SYTL2: variants seen among roughly 807,000 people sequenced by gnomAD.
SYTL2 encodes the protein synaptotagmin like 2, also known as synaptotagmin-like protein 2.
Under a neutral mutation model 198.7 loss-of-function variants are expected in SYTL2, and 165 were observed. That is an observed-to-expected ratio of 0.83 (90% CI 0.73 to 0.94). The LOEUF is 0.94. Ranked by LOEUF, SYTL2 falls within the 40% of genes least tolerant of loss-of-function variation. SYTL2 has a pLI of 0.00. For missense variants in SYTL2, 2,835 were observed against 2,582.8 expected (o/e 1.10, Z -2.12); for synonymous variants, 966 against 917.7 (o/e 1.05, Z -0.95).
chr11:85,739,359 G>A, intron 4 of SYTL2, among the ~76,000 whole-genome samples: 1 of 149,436 alleles, frequency 6.7e-6, no homozygotes, highest in Non-Finnish European at 1.5e-5. Flanking sequence ...GAAAGAAAAA[G>A]AGAGGAAGAA....
At chr11:85,839,590 T>C in the SYTL2 span, among the ~76,000 whole-genome samples, 1 of 152,216 alleles carries the variant, frequency 6.6e-6, no homozygotes, top group Non-Finnish European at 1.5e-5. Flanking sequence ...GATATTCAGT[T>C]TCATCCATGT....
At position 85,795,420 on chromosome 11, in the gene SYTL2, G is replaced by A. The variant is rs141733108; in HGVS notation, c.-390+15534C>T. On this transcript the variant is annotated intron_variant, in intron 1 of 19. Transcript: ENST00000359152. ...GCAGCAGAAAAGGCCAGATACTTACGCCCAGTAGCCTGAGTTGCACTCATT... is the reference window on the plus strand; with the variant it reads ...GCAGCAGAAAAGGCCAGATACTTACACCCAGTAGCCTGAGTTGCACTCATT... 2.6e-3 allele frequency among the ~76,000 whole-genome samples: 395 copies of A among 152,250 alleles called. 8 individuals are homozygous for A. The South Asian group carries it at 0.043, about 17-fold the overall frequency.
At chr11:85,698,908 T>C (rs1206804344) in intron 17 of SYTL2, among the ~76,000 whole-genome samples, 1 of 152,220 alleles carries the variant, frequency 6.6e-6, no homozygotes, top group Non-Finnish European at 1.5e-5. Context: ...GGGCAGATAG[T>C]TACTAAGAAG....
chr11:85,724,899 T>C lies in SYTL2; in HGVS notation c.4459A>G (p.Ile1487Val), dbSNP rs765121968. ...AGGAACTCTGATTTGGGTTGAACAA[T>C]TGTTTCCCTCACAATTTCTTCCACT... ...QEVEEIVRETIVQPKSEFLEF... is the reference protein window; with the variant it reads ...QEVEEIVRETVVQPKSEFLEF... The change falls in exon 8 of 20, where the codon ATT (isoleucine) becomes GTT (valine). Residue 1487 changes from isoleucine (I) to valine (V), a missense_variant. Physicochemically the swap from Ile to Val is conservative, Grantham distance 29 (BLOSUM62 3). This residue lies in a region of SYTL2 where 2,645 missense variants were observed against 2,381.7 expected (regional missense o/e 1.11). Coordinates refer to ENST00000359152, the MANE Select transcript of SYTL2 (RefSeq NM_206927.4). 34 of 1,614,058 alleles carry C rather than the reference T, an allele frequency of 2.1e-5. No homozygotes were observed. In the African/African-American group the frequency reaches 2.8e-4, roughly 13 times the overall value.
intron 1 of SYTL2, among the ~76,000 whole-genome samples, chr11:85,797,760 G>A (rs2092824837): frequency 6.6e-6 from 1 of 151,976 alleles, no homozygotes; most frequent in Non-Finnish European, 1.5e-5. Flanking sequence ...TTCCCCAGCT[G>A]GCCATACCCC....
intron 3 of SYTL2, among the ~76,000 whole-genome samples, chr11:85,746,464 T>A (rs1227515900): frequency 6.6e-6 from 1 of 152,246 alleles, no homozygotes; most frequent in African/African-American, 2.4e-5. Context: ...GGCACTGTGC[T>A]GAGTTCTTTG....
At chr11:85,745,888 C>G in intron 3 of SYTL2, 116 bp from the exon 4 acceptor site, 1 of 998,970 alleles carries the variant, frequency 1.0e-6, no homozygotes, top group Non-Finnish European at 1.5e-6. Context: ...TTCCCAGTGC[C>G]AAGGCAATCA....
At chr11:85,737,925 G>C (rs899183211) in intron 4 of SYTL2, among the ~76,000 whole-genome samples, 43 of 152,154 alleles carry the variant, frequency 2.8e-4, no homozygotes, top group Admixed American at 8.5e-4. Context: ...GCAAAAGAGG[G>C]TCACGGAGGC....
At chr11:85,798,124 G>A (rs941559994) in intron 1 of SYTL2, among the ~76,000 whole-genome samples, 2 of 151,458 alleles carry the variant, frequency 1.3e-5, no homozygotes, top group African/African-American at 2.4e-5. Flanking sequence ...TTCCCAAAGT[G>A]CTGGGATTAC....
Position 85,720,841 on chromosome 11 carries a change from G to T in SYTL2, c.5428+17C>A. ...GCTTAGATGGGGCATGAACAGTGAG[G>T]CGAACTTTATTCTCACTTGATGAAT... On this transcript the variant is annotated intron_variant, in intron 9 of 19. Transcript: ENST00000359152. 6.3e-7 allele frequency: 1 copy of T among 1,576,034 alleles called. No individual in the cohort carries two copies. The highest frequency in any genetic ancestry group is 8.7e-7 in the Non-Finnish European group (1 of 1,145,260).
At chr11:85,704,820 A>G in intron 16 of SYTL2, 38 bp downstream of exon 16, 1 of 1,592,160 alleles carries the variant, frequency 6.3e-7, no homozygotes, top group Non-Finnish European at 8.6e-7. Context: ...GTACCACATC[A>G]ACCAACCAAA....
At chr11:85,825,387 CAA>C in the SYTL2 span, among the ~76,000 whole-genome samples, 5 of 118,748 alleles carry the variant, frequency 4.2e-5, no homozygotes, top group Admixed American at 8.9e-5. Flanking sequence ...GACTCCGTCT[CAA>C]AAAAAAAAAA....
At chr11:85,801,717 A>T (rs752390557) in intron 1 of SYTL2, among the ~76,000 whole-genome samples, 4 of 152,156 alleles carry the variant, frequency 2.6e-5, no homozygotes, top group Non-Finnish European at 4.4e-5. Flanking sequence ...GTCAGATTGT[A>T]GCCTCATTTC....
chr11:85,718,550 C>T lies in SYTL2; in HGVS notation c.5482+240G>A, dbSNP rs549875759. The T allele has an allele frequency of 3.5e-5, 17 of 483,614 alleles. No individual in the cohort carries two copies. The Admixed American group carries it at 6.4e-4, about 18-fold the overall frequency. The allele number at this position is 483,614 out of a possible 1,614,324, so 30.0% of individuals were successfully genotyped here. ...AATACAATTTTCTATTTATAGAAAC[C>T]CTTGCTTCACAAGGGTCTCTGATGA... On this transcript the variant is annotated intron_variant, in intron 10 of 19. Coordinates refer to ENST00000359152, the MANE Select transcript of SYTL2 (RefSeq NM_206927.4).
At chr11:85,792,286 C>T (rs1592048873) in intron 1 of SYTL2, among the ~76,000 whole-genome samples, 1 of 151,960 alleles carries the variant, frequency 6.6e-6, no homozygotes, top group East Asian at 1.9e-4. Context: ...CTCAAACCCA[C>T]CCTAACGGGG....
intron 1 of SYTL2, among the ~76,000 whole-genome samples, chr11:85,766,213 G>C (rs186990094): frequency 3.9e-5 from 6 of 152,264 alleles, no homozygotes; most frequent in African/African-American, 7.2e-5. Flanking sequence ...AGTGTCAAGG[G>C]GGGGAGTTTG....
chr11:85,790,881 A>T (rs925757309), intron 1 of SYTL2, among the ~76,000 whole-genome samples: 3 of 152,074 alleles, frequency 2.0e-5, no homozygotes, highest in African/African-American at 4.8e-5. Flanking sequence ...AAATATCAGT[A>T]GGCTGGGCGT....
At chr11:85,845,137 C>T in the SYTL2 span, among the ~76,000 whole-genome samples, 1 of 152,154 alleles carries the variant, frequency 6.6e-6, no homozygotes, top group African/African-American at 2.4e-5. Flanking sequence ...AAAATTTTCC[C>T]TGACTCTCAA....
chr11:85,711,043 G>C, intron 13 of SYTL2, 70 bp downstream of exon 13: 20 of 1,536,812 alleles, frequency 1.3e-5, no homozygotes, highest in Non-Finnish European at 1.7e-5. Flanking sequence ...GTTTTACAAT[G>C]AGCATGAGCA....
Sources: allele counts gnomAD v4.1 joint callset (sites outside exome capture counted in the v4.1 genomes callset), GRCh38; gene constraint gnomAD v4.1.1; regional missense constraint gnomAD v4.1.1; transcripts MANE v1.5; gene names NCBI Gene and HGNC (gene_info 2026-07-23, HGNC 2026-07-21).